Variants in MUSK observed in about 807,000 individuals in gnomAD.
The protein encoded by MUSK is muscle, skeletal receptor tyrosine-protein kinase.
A neutral mutation model predicts 88.7 loss-of-function variants in MUSK; 55 were observed. The ratio of observed to expected loss-of-function variants is 0.62; its 90% CI spans 0.50 to 0.78. MUSK has a LOEUF of 0.78. Ranked by LOEUF, MUSK falls within the 30% of genes least tolerant of loss-of-function variation. The pLI is 0.00. For synonymous variants in MUSK, 387 were observed against 391.9 expected, an observed-to-expected ratio of 0.99 and a Z score of 0.15; for missense variants, 1,015 against 1,074.3, an observed-to-expected ratio of 0.94 and a Z score of 0.77.
intron 9 of MUSK, among the ~76,000 whole-genome samples, chr9:110,771,998 A>G (rs2077583319): frequency 6.6e-6 from 1 of 151,800 alleles, no homozygotes; most frequent in Admixed American, 6.6e-5. Flanking sequence ...TCATTTTATT[A>G]TATTTATATA....
intron 9 of MUSK, among the ~76,000 whole-genome samples, chr9:110,772,142 A>G (rs1184839352): frequency 6.6e-6 from 1 of 150,448 alleles, no homozygotes; most frequent in Non-Finnish European, 1.5e-5. Flanking sequence ...ATTAGATTCT[A>G]CTCTTTCTTA....
chr9:110,689,718 T>TAGTTATATATAATTATATAACTATATATA (rs370720549), intron 3 of MUSK, among the ~76,000 whole-genome samples: 1 of 51,662 alleles, frequency 1.9e-5, no homozygotes, highest in African/African-American at 1.3e-4. Context: ...TAACTATATA[T>TAGTTATATATAATTATATAACTATATATA]GTTATATATA....
chr9:110,682,538 T>C, intron 1 of MUSK, 136 bp from the exon 2 acceptor site: 1 of 797,876 alleles, frequency 1.3e-6, no homozygotes, highest in East Asian at 2.6e-5. Flanking sequence ...ACATAAGCTC[T>C]TCCTTTCTTT....
intron 14 of MUSK, 101 bp downstream of exon 14, chr9:110,787,939 G>C: frequency 7.5e-7 from 1 of 1,339,298 alleles, no homozygotes; most frequent in Non-Finnish European, 1.0e-6. Flanking sequence ...CTTGATCAGT[G>C]AGACGTTTCA....
At chr9:110,702,843 A>C (rs2076548889) in intron 5 of MUSK, among the ~76,000 whole-genome samples, 2 of 152,296 alleles carry the variant, frequency 1.3e-5, no homozygotes, top group South Asian at 4.1e-4. Context: ...CAGTAAGCCA[A>C]GATTGTGCCA....
At chr9:110,709,343 A>G (rs1414723656) in intron 5 of MUSK, among the ~76,000 whole-genome samples, 1 of 152,162 alleles carries the variant, frequency 6.6e-6, no homozygotes, top group Non-Finnish European at 1.5e-5. Flanking sequence ...GGGTGGTAGG[A>G]TCTCAAGAAA....
intron 7 of MUSK, among the ~76,000 whole-genome samples, chr9:110,753,754 G>A (rs1445933842): frequency 2.0e-5 from 3 of 152,032 alleles, no homozygotes; most frequent in Non-Finnish European, 4.4e-5. Context: ...CTGAGCAGGA[G>A]GGAAAAATCT....
At position 110,730,219 on chromosome 9, in the gene MUSK, T is replaced by C. The variant is rs916970926; in HGVS notation, c.629-4032T>C. Among the ~76,000 whole-genome samples the C allele has an allele frequency of 2.0e-4, 30 of 152,016 alleles. 1 individual carries two copies. The highest frequency in any genetic ancestry group is 6.6e-5 in the Admixed American group (1 of 15,246). On this transcript the variant is annotated intron_variant, in intron 5 of 14. Coordinates refer to ENST00000374448, the MANE Select transcript of MUSK (RefSeq NM_005592.4). ...TTAAATATATTACCTTGGTCTATTTTCCATGTTGCAGATGCACTTGCTTAC... is the reference window on the plus strand; with the variant it reads ...TTAAATATATTACCTTGGTCTATTTCCCATGTTGCAGATGCACTTGCTTAC...
At chr9:110,688,324 C>G (rs77773387) in intron 3 of MUSK, among the ~76,000 whole-genome samples, 461 of 152,224 alleles carry the variant, frequency 3.0e-3, no homozygotes, top group African/African-American at 0.011. Flanking sequence ...CTCATAATTC[C>G]TTGACCTGCA....
At chr9:110,755,954 A>ATATATATATATACG (rs1564268738) in intron 7 of MUSK, among the ~76,000 whole-genome samples, 1,532 of 110,480 alleles carry the variant, frequency 0.014, 95 homozygotes, top group African/African-American at 0.044. Context: ...ATATATACAC[A>ATATATATATATACG]TATATATATA....
intron 11 of MUSK, among the ~76,000 whole-genome samples, chr9:110,777,468 G>A (rs1197760817): frequency 6.6e-6 from 1 of 152,052 alleles, no homozygotes; most frequent in African/African-American, 2.4e-5. Flanking sequence ...ACTGGTCCTA[G>A]TTGAATTACT....
At chr9:110,768,373 G>A (rs140816065) in intron 9 of MUSK, among the ~76,000 whole-genome samples, 1 of 152,260 alleles carries the variant, frequency 6.6e-6, no homozygotes, top group East Asian at 1.9e-4. Context: ...TGGTGCACTT[G>A]TAATCCCAGC....
chr9:110,680,754 T>A (rs779767235), intron 1 of MUSK, among the ~76,000 whole-genome samples: 33 of 150,764 alleles, frequency 2.2e-4, no homozygotes, highest in Admixed American at 5.4e-4. Context: ...AGGGTTTGTT[T>A]TTCAGTTTTG....
rs181747362 is a variant in MUSK, at chr9:110,706,774, C to A, written c.628+9308C>A. On this transcript the variant is annotated intron_variant, in intron 5 of 14. Coordinates refer to ENST00000374448, the MANE Select transcript of MUSK (RefSeq NM_005592.4). The stretch of plus-strand genomic sequence containing the variant: ...ATCTCGGCACTTTGGGAGGTCGAGG[C>A]AGGCGGATCACTTGAGGTCAGGAGT... 1.3e-3 allele frequency among the ~76,000 whole-genome samples: 204 copies of A among 152,258 alleles called. 1 individual carries two copies. Among genetic ancestry groups the A allele is most frequent in the African/African-American group, 4.5e-3 (185 of 41,556 alleles).
chr9:110,761,858 G>A (rs962695878), intron 7 of MUSK: 2 of 975,390 alleles, frequency 2.1e-6, no homozygotes, highest in African/African-American at 3.5e-5. Flanking sequence ...ACAGGCGTGA[G>A]CCACCGCGCC....
chr9:110,745,798 G>A (rs2077168900), intron 6 of MUSK, among the ~76,000 whole-genome samples: 2 of 152,174 alleles, frequency 1.3e-5, no homozygotes, highest in Admixed American at 1.3e-4. Flanking sequence ...TCCCAGTGAA[G>A]GTAAATTGAT....
intron 11 of MUSK, among the ~76,000 whole-genome samples, chr9:110,778,879 C>T (rs1489304859): frequency 1.3e-5 from 2 of 151,976 alleles, no homozygotes; most frequent in African/African-American, 2.4e-5. Flanking sequence ...ATTGATTATT[C>T]TTAAGAAGCT....
intron 1 of MUSK, among the ~76,000 whole-genome samples, chr9:110,670,348 G>A (rs2075941636): frequency 6.6e-6 from 1 of 152,098 alleles, no homozygotes; most frequent in African/African-American, 2.4e-5. Flanking sequence ...TTGAACGTAT[G>A]GGTTGTCTTA....
At chr9:110,696,697 A>G (rs2076434333) in intron 4 of MUSK, among the ~76,000 whole-genome samples, 3 of 152,130 alleles carry the variant, frequency 2.0e-5, no homozygotes, top group Admixed American at 1.3e-4. Flanking sequence ...TAATTTTAAT[A>G]TTATGTGTGA....
Sources: gnomAD v4.1 joint callset for allele counts (sites outside exome capture counted in the v4.1 genomes callset) on GRCh38, gnomAD v4.1.1 for gene constraint, MANE v1.5 for transcripts, NCBI Gene and HGNC (gene_info 2026-07-23, HGNC 2026-07-21) for gene names.